Variants in NGFR observed in about 807,000 individuals in gnomAD.
The protein encoded by NGFR is tumor necrosis factor receptor superfamily member 16.
NGFR carries 30 observed loss-of-function variants against 43.2 expected under a neutral mutation model. The observed-to-expected ratio is 0.69, with a 90% CI of 0.52 to 0.94. The LOEUF is 0.94. Ranked by LOEUF, NGFR falls within the 40% of genes least tolerant of loss-of-function variation. The pLI, the probability that NGFR is intolerant of heterozygous loss-of-function variation, is 0.00. For synonymous variants in NGFR, 246 were observed against 259.6 expected (o/e 0.95, Z 0.50); for missense variants, 529 against 602.5 (o/e 0.88, Z 1.28).
chr17:49,505,684 T>C (rs1411093837), intron 2 of NGFR: 7 of 152,440 alleles, frequency 4.6e-5, no homozygotes, highest in African/African-American at 1.7e-4. Context: ...GGCTCCTGCC[T>C]TACCTGAGCC....
In NGFR at chr17:49,505,865, C is replaced by T. The variant is rs2071193208; in HGVS notation, c.209-434C>T. On this transcript the variant is annotated intron_variant, in intron 2 of 5. Coordinates refer to ENST00000172229, the MANE Select transcript of NGFR (RefSeq NM_002507.4). ...TGAAGGCAGATGAGGCAGGAGGCTC[C>T]CTAGGGGAAGGCCTACCTTGCCTGG... 2 of 169,458 alleles carry T rather than the reference C, an allele frequency of 1.2e-5. 1 individual carries two copies. The highest frequency in any genetic ancestry group is 3.8e-4 in the South Asian group (2 of 5,294). The allele number at this position is 169,458 out of a possible 1,614,324, so 10.5% of individuals were successfully genotyped here.
chr17:49,505,389 G>A (rs1166121291), intron 2 of NGFR, among the ~76,000 whole-genome samples: 1 of 152,156 alleles, frequency 6.6e-6, no homozygotes, highest in East Asian at 1.9e-4. Flanking sequence ...AAGCTGGAAG[G>A]GGTGAAGAAG....
chr17:49,511,948 C>A lies in NGFR; in HGVS notation c.878C>A (p.Thr293Lys). 2 of 1,613,212 alleles carry A rather than the reference C, an allele frequency of 1.2e-6. No individual in the cohort carries two copies. The highest frequency in any genetic ancestry group is 1.7e-6 in the Non-Finnish European group (2 of 1,179,636). The change falls in exon 5 of 6, where the codon ACG (threonine) becomes AAG (lysine). Residue 293 changes from threonine to lysine, a missense_variant. Coordinates refer to ENST00000172229, the MANE Select transcript of NGFR (RefSeq NM_002507.4). ...GCCAACAGCCGGCCAGTGAACCAGACGCCCCCACCAGAGGGAGAAAAACTC... is the reference window on the plus strand; with the variant it reads ...GCCAACAGCCGGCCAGTGAACCAGAAGCCCCCACCAGAGGGAGAAAAACTC... ...QGANSRPVNQ[T>K]PPPEGEKLHS...
intron 3 of NGFR, among the ~76,000 whole-genome samples, chr17:49,507,179 C>A (rs1412139932): frequency 2.0e-5 from 3 of 152,100 alleles, no homozygotes; most frequent in African/African-American, 7.2e-5. Flanking sequence ...TGAGATGGAA[C>A]CCACCCTGTC....
At position 49,513,142 on chromosome 17, in the gene NGFR, A is replaced by G. The variant is rs1368295647; in HGVS notation, c.*133A>G. The stretch of plus-strand genomic sequence containing the variant: ...ACTGAGCTCCTCTGGGCAGGACCTC[A>G]GAGTCCAGGCCCCAAAACCACAGCC... On this transcript the variant is annotated 3_prime_UTR_variant, in exon 6 of 6. Coordinates refer to ENST00000172229, the MANE Select transcript of NGFR (RefSeq NM_002507.4). 5 of 985,826 alleles carry G rather than the reference A, an allele frequency of 5.1e-6. No individual in the cohort carries two copies. In the Admixed American group the frequency reaches 1.2e-4, roughly 24 times the overall value. 61.1% of individuals were successfully genotyped at this position (985,826 alleles called of 1,614,324 possible).
rs1215679866 is a variant in NGFR, at chr17:49,514,692, T to C, written c.*1683T>C. 1 of 152,236 alleles carries C rather than the reference T, an allele frequency of 6.6e-6. No homozygotes were observed. Among genetic ancestry groups the C allele is most frequent in the African/African-American group, 2.4e-5 (1 of 41,456 alleles). 9.4% of individuals were successfully genotyped at this position (152,236 alleles called of 1,614,324 possible). On this transcript the variant is annotated 3_prime_UTR_variant, in exon 6 of 6. Transcript: ENST00000172229. Reference sequence around the variant, plus strand: ...CTGTGATGAGGGGAGGAAACTCACCTGCTGGCCCCTCACCTGGGCACCTGG... The same window carrying C: ...CTGTGATGAGGGGAGGAAACTCACCCGCTGGCCCCTCACCTGGGCACCTGG...
In NGFR at chr17:49,506,580, T is replaced by C. The variant is rs1286678931; in HGVS notation, c.490T>C (p.Cys164Arg). The change falls in exon 3 of 6, where the codon TGC (cysteine) becomes CGC (arginine). Residue 164 changes from cysteine to arginine, a missense_variant. By Grantham distance (180) the Cys-to-Arg change is radical. Coordinates refer to ENST00000172229, the MANE Select transcript of NGFR (RefSeq NM_002507.4). ...CGACGAGGCCAACCACGTGGACCCG[T>C]GCCTGCCCTGCACCGTGTGCGAGGA... ...YSDEANHVDP[C>R]LPCTVCEDTE... is the part of the protein sequence containing the mutation. The C allele has an allele frequency of 3.1e-6, 5 of 1,610,768 alleles. No homozygotes were observed. The highest frequency in any genetic ancestry group is 3.3e-5 in the Admixed American group (2 of 59,904).
At chr17:49,507,359 G>A (rs1037662641) in intron 3 of NGFR, among the ~76,000 whole-genome samples, 2 of 152,190 alleles carry the variant, frequency 1.3e-5, no homozygotes, top group Admixed American at 1.3e-4. Flanking sequence ...GAAGGATGAG[G>A]GGCATGCAGG....
intron 2 of NGFR, 153 bp from the exon 3 acceptor site, chr17:49,506,146 G>A (rs1329270369): frequency 1.5e-5 from 21 of 1,402,818 alleles, no homozygotes; most frequent in East Asian, 1.0e-4. Flanking sequence ...CAGGCTAGGG[G>A]TCAGGGTCCC....
chr17:49,510,712 A>G, intron 4 of NGFR, 48 bp downstream of exon 4: 3 of 1,600,256 alleles, frequency 1.9e-6, no homozygotes, highest in Non-Finnish European at 2.6e-6. Context: ...TTTGCCCTCA[A>G]GGAAGACTTT....
intron 3 of NGFR, among the ~76,000 whole-genome samples, chr17:49,509,315 C>T (rs1333162548): frequency 6.6e-6 from 1 of 152,212 alleles, no homozygotes; most frequent in East Asian, 1.9e-4. Context: ...AGCTGGGAGC[C>T]AGTTACCCTC....
At position 49,510,595 on chromosome 17, in the gene NGFR, T is replaced by C. The variant is rs1438216056; in HGVS notation, c.752T>C (p.Leu251Pro). ...GTGACCCGAGGCACCACCGACAACCTCATCCCTGTCTATTGCTCCATCCTG... is the reference window on the plus strand; with the variant it reads ...GTGACCCGAGGCACCACCGACAACCCCATCCCTGTCTATTGCTCCATCCTG... The part of the protein sequence containing the change: ...PVVTRGTTDN[L>P]IPVYCSILAA... The change falls in exon 4 of 6, where the codon CTC becomes CCC. Residue 251 changes from leucine (L) to proline (P), a missense_variant. Physicochemically the swap from Leu to Pro is moderately conservative, Grantham distance 98. Transcript: ENST00000172229. 14 of 1,613,986 alleles carry C rather than the reference T, an allele frequency of 8.7e-6. No individual in the cohort carries two copies. Among genetic ancestry groups the C allele is most frequent in the Non-Finnish European group, 1.2e-5 (14 of 1,179,960 alleles).
chr17:49,512,945 G>A lies in NGFR; in HGVS notation c.1220G>A (p.Arg407His), dbSNP rs773376740. Residue 407 changes from arginine to histidine, a missense_variant, in exon 6 of 6, where the codon CGC becomes CAC. By Grantham distance (29) the Arg-to-His change is conservative (BLOSUM62 0). Transcript: ENST00000172229. This position sits in a 1 kb window ranked among gnomAD's most constrained non-coding sequence, Gnocchi z 5.2. ...TLDALLAALR[R>H]IQRADLVESL... ...GACGCCCTCCTGGCCGCCCTGCGCC[G>A]CATCCAGCGAGCCGACCTCGTGGAG... 3.6e-5 allele frequency: 58 copies of A among 1,609,768 alleles called. No individual in the cohort carries two copies. The East Asian group carries it at 6.7e-4, about 19-fold the overall frequency.
intron 1 of NGFR, 42 bp from the exon 2 acceptor site, chr17:49,502,021 C>CCCCCCA: frequency 7.6e-7 from 1 of 1,324,448 alleles, no homozygotes; most frequent in Middle Eastern, 2.1e-4. Flanking sequence ...CCCACCCCAG[C>CCCCCCA]TTTCTCTTGC....
intron 3 of NGFR, among the ~76,000 whole-genome samples, chr17:49,507,133 T>C (rs2071204582): frequency 6.6e-6 from 1 of 152,152 alleles, no homozygotes; most frequent in Non-Finnish European, 1.5e-5. Context: ...CTCTGAGCCC[T>C]GGTCTAGGTC....
At chr17:49,509,889 C>T (rs568593404) in intron 3 of NGFR, among the ~76,000 whole-genome samples, 1 of 152,294 alleles carries the variant, frequency 6.6e-6, no homozygotes, top group Non-Finnish European at 1.5e-5. Flanking sequence ...AAGCACCTCT[C>T]TGACCAGACC....
In NGFR at chr17:49,495,628, G is replaced by T; in HGVS notation, c.66+145G>T. ...GGTGGGAAAGGACCTCTGATGCCGG[G>T]ACCACGAAGGAGGGTCTAGGGTTCC... On this transcript the variant is annotated intron_variant, in intron 1 of 5. Coordinates refer to ENST00000172229, the MANE Select transcript of NGFR (RefSeq NM_002507.4). The surrounding 1 kb of genome is among the most constrained non-coding windows in gnomAD (Gnocchi z 6.4). 1.4e-6 allele frequency: 1 copy of T among 706,380 alleles called. No homozygotes were observed. The highest frequency in any genetic ancestry group is 7.3e-5 in the South Asian group (1 of 13,792). 43.8% of individuals were successfully genotyped at this position (706,380 alleles called of 1,614,324 possible). A position where few individuals can be genotyped will look rare whatever the true frequency, so the allele number is the denominator to read the frequency against.
At position 49,510,503 on chromosome 17, in the gene NGFR, A is replaced by G; in HGVS notation, c.660A>G (p.Glu220=). 1.2e-6 allele frequency: 2 copies of G among 1,614,078 alleles called. No individual in the cohort carries two copies. Among genetic ancestry groups the G allele is most frequent in the Non-Finnish European group, 1.7e-6 (2 of 1,180,012 alleles). ...PSTQEPEAPP[E]QDLIASTVAG... is the part of the protein sequence containing the mutation. ...CCCAGGAGCCTGAGGCACCTCCAGA[A>G]CAAGACCTCATAGCCAGCACGGTGG... The change falls in exon 4 of 6, where the codon GAA becomes GAG. Residue 220 remains glutamate, a synonymous_variant. Transcript: ENST00000172229.
At chr17:49,501,999 A>ATGGGCCCC in intron 1 of NGFR, 64 bp from the exon 2 acceptor site, 12 of 330,984 alleles carry the variant, frequency 3.6e-5, no homozygotes, top group Admixed American at 7.1e-5. Flanking sequence ...TCCCCGGAAG[A>ATGGGCCCC]ACCCCCCCCA....
Sources: allele counts gnomAD v4.1 joint callset (sites outside exome capture counted in the v4.1 genomes callset), GRCh38; gene constraint gnomAD v4.1.1; non-coding constraint Gnocchi (gnomAD v3.1); transcripts MANE v1.5; gene names NCBI Gene and HGNC (gene_info 2026-07-23, HGNC 2026-07-21).